Variants in ADAM23 observed in about 807,000 individuals in gnomAD.
The protein encoded by ADAM23 is disintegrin and metalloproteinase domain-containing protein 23.
A neutral mutation model predicts 120.1 loss-of-function variants in ADAM23; 33 were observed. The ratio of observed to expected loss-of-function variants is 0.27; its 90% confidence interval spans 0.21 to 0.37. The LOEUF (loss-of-function observed/expected upper bound fraction) is 0.37. Ranked by LOEUF, ADAM23 falls within the 10% of genes least tolerant of loss-of-function variation. The pLI is 1.00. For missense variants in ADAM23, 862 were observed against 1,058.2 expected, an observed-to-expected ratio of 0.81 and a Z score of 2.57; for synonymous variants, 367 against 375.2, an observed-to-expected ratio of 0.98 and a Z score of 0.25.
chr2:206,619,221 A>G lies in ADAM23; in HGVS notation c.*1594A>G, dbSNP rs1449958224. On this transcript the variant is annotated 3_prime_UTR_variant, in exon 26 of 26. Coordinates refer to ENST00000264377, the MANE Select transcript of ADAM23 (RefSeq NM_003812.4). ...GATCAGTGGACCGTTGCACTGGATT[A>G]TAATGGGATTCTACTATATACAAAT... 1.3e-5 allele frequency: 2 copies of G among 152,236 alleles called. No individual in the cohort carries two copies. The highest frequency in any genetic ancestry group is 2.9e-5 in the Non-Finnish European group (2 of 68,050). The allele number at this position is 152,236 out of a possible 1,614,324, so 9.4% of individuals were successfully genotyped here.
At chr2:206,487,163 T>A (rs1354099132) in intron 3 of ADAM23, among the ~76,000 whole-genome samples, 1 of 152,160 alleles carries the variant, frequency 6.6e-6, no homozygotes, top group Non-Finnish European at 1.5e-5. Context: ...TGACAATGAA[T>A]TATTATTACC....
chr2:206,536,225 T>C (rs549746157), intron 4 of ADAM23, among the ~76,000 whole-genome samples: 1 of 151,434 alleles, frequency 6.6e-6, no homozygotes, highest in Admixed American at 6.6e-5. Context: ...GCGTGTGTGT[T>C]TGTGTGTGTG....
At chr2:206,571,622 G>A (rs952752144) in intron 16 of ADAM23, 105 bp from the exon 17 acceptor site, 3 of 718,934 alleles carry the variant, frequency 4.2e-6, no homozygotes, top group African/African-American at 1.7e-5. Flanking sequence ...TTTGCTTACT[G>A]TTGTATAAAT....
intron 2 of ADAM23, among the ~76,000 whole-genome samples, chr2:206,455,186 C>G (rs1437558364): frequency 1.3e-5 from 2 of 152,202 alleles, no homozygotes; most frequent in Non-Finnish European, 2.9e-5. Flanking sequence ...GTTCTCAAGC[C>G]TTGACTTTTA....
intron 2 of ADAM23, among the ~76,000 whole-genome samples, chr2:206,452,502 G>C (rs1225383348): frequency 6.6e-6 from 1 of 152,084 alleles, no homozygotes; most frequent in African/African-American, 2.4e-5. Flanking sequence ...TCTCTTTACA[G>C]TTGGTGAAAA....
At chr2:206,605,667 A>G (rs891550445) in intron 24 of ADAM23, 1 of 649,338 alleles carries the variant, frequency 1.5e-6, no homozygotes, top group Middle Eastern at 2.9e-4. Context: ...TTCAAATCTT[A>G]TAGCAAAAAA....
chr2:206,496,592 G>A (rs933011606), intron 3 of ADAM23, among the ~76,000 whole-genome samples: 5 of 152,014 alleles, frequency 3.3e-5, no homozygotes, highest in African/African-American at 1.2e-4. Flanking sequence ...ATCAAAAGAA[G>A]TAGAGAAGCA....
intron 9 of ADAM23, among the ~76,000 whole-genome samples, chr2:206,554,304 C>G (rs1168376925): frequency 3.3e-5 from 5 of 152,050 alleles, no homozygotes; most frequent in African/African-American, 1.2e-4. Context: ...CATTTGCAAG[C>G]CAATTATAGC....
chr2:206,530,100 T>A (rs953575848), intron 3 of ADAM23, among the ~76,000 whole-genome samples: 1 of 152,242 alleles, frequency 6.6e-6, no homozygotes, highest in Admixed American at 6.5e-5. Context: ...TGAGTCACCA[T>A]GCCCGGCTTT....
At chr2:206,597,125 C>T (rs1474947699) in intron 24 of ADAM23, among the ~76,000 whole-genome samples, 1 of 148,356 alleles carries the variant, frequency 6.7e-6, no homozygotes, top group Non-Finnish European at 1.5e-5. Flanking sequence ...CTTGGCCTCT[C>T]AAAGTTCTGG....
intron 18 of ADAM23, among the ~76,000 whole-genome samples, chr2:206,577,884 G>A (rs1040426273): frequency 3.3e-5 from 5 of 151,320 alleles, no homozygotes; most frequent in African/African-American, 9.7e-5. Context: ...CACCAACAGT[G>A]TAAAAGTGTT....
chr2:206,496,136 C>T (rs12469895), intron 3 of ADAM23, among the ~76,000 whole-genome samples: 1 of 151,902 alleles, frequency 6.6e-6, no homozygotes, highest in African/African-American at 2.4e-5. Flanking sequence ...GAACTCAGCT[C>T]TGCACCAAGC....
At chr2:206,582,487 A>G (rs1462582351) in intron 18 of ADAM23, among the ~76,000 whole-genome samples, 1 of 152,140 alleles carries the variant, frequency 6.6e-6, no homozygotes, top group African/African-American at 2.4e-5. Context: ...GTTCTTATCC[A>G]TTCTGTGCTT....
At chr2:206,469,602 A>T (rs1489861268) in intron 2 of ADAM23, among the ~76,000 whole-genome samples, 1 of 152,212 alleles carries the variant, frequency 6.6e-6, no homozygotes, top group Non-Finnish European at 1.5e-5. Flanking sequence ...TGGAAACCTG[A>T]TCATATCATT....
rs6738415 is a variant in ADAM23, at chr2:206,569,884, A to G, written c.1495-856A>G. 7.0e-3 allele frequency among the ~76,000 whole-genome samples: 1,063 copies of G among 152,220 alleles called. 20 individuals carry two copies. The highest frequency in any genetic ancestry group is 0.025 in the African/African-American group (1,021 of 41,524). Reference sequence around the variant, plus strand: ...TCCTTGAGGTGTGTTCAGCTGCTGGAGATGGAGTCAGTTTCTCCCTCTCAT... The same window carrying G: ...TCCTTGAGGTGTGTTCAGCTGCTGGGGATGGAGTCAGTTTCTCCCTCTCAT... On this transcript the variant is annotated intron_variant, in intron 15 of 25. Transcript: ENST00000264377.
chr2:206,564,396 G>A (rs981186834), intron 13 of ADAM23, among the ~76,000 whole-genome samples: 1 of 152,144 alleles, frequency 6.6e-6, no homozygotes, highest in Non-Finnish European at 1.5e-5. Flanking sequence ...TTTTAGCATA[G>A]TGTTCATTCA....
rs376726273 is a variant in ADAM23, at chr2:206,543,325, A to G, written c.720+9A>G. ...AGCTGGTTCATGATGAGGTGAGTCTATGCCATCAGTTGCCTGATGGCGTTC... is the reference window on the plus strand; with the variant it reads ...AGCTGGTTCATGATGAGGTGAGTCTGTGCCATCAGTTGCCTGATGGCGTTC... On this transcript the variant is annotated intron_variant, in intron 6 of 25. Coordinates refer to ENST00000264377, the MANE Select transcript of ADAM23 (RefSeq NM_003812.4). 3.7e-6 allele frequency: 6 copies of G among 1,612,318 alleles called. No homozygotes were observed. Among genetic ancestry groups the G allele is most frequent in the East Asian group, 2.2e-5 (1 of 44,858 alleles).
At chr2:206,569,367 A>G (rs572570384) in intron 15 of ADAM23, among the ~76,000 whole-genome samples, 1 of 152,360 alleles carries the variant, frequency 6.6e-6, no homozygotes, top group South Asian at 2.1e-4. Context: ...TTTTTAAACT[A>G]CGTAGTACAA....
intron 24 of ADAM23, among the ~76,000 whole-genome samples, chr2:206,602,802 TAC>T (rs1247130821): frequency 6.6e-6 from 1 of 152,176 alleles, no homozygotes; most frequent in Non-Finnish European, 1.5e-5. Context: ...ATTTTATACT[TAC>T]CAAAAATTCT....
Sources: gnomAD v4.1 joint callset for allele counts (sites outside exome capture counted in the v4.1 genomes callset) on GRCh38, gnomAD v4.1.1 for gene constraint, MANE v1.5 for transcripts, NCBI Gene and HGNC (gene_info 2026-07-23, HGNC 2026-07-21) for gene names.